The following ZNF618 variants were observed in gnomAD, a reference collection of about 807,000 sequenced individuals.
ZNF618 encodes the protein zinc finger protein 618.
ZNF618 carries 34 observed loss-of-function variants against 103.0 expected under a neutral mutation model. The ratio of observed to expected loss-of-function variants is 0.33; its 90% CI spans 0.25 to 0.44. The LOEUF (loss-of-function observed/expected upper bound fraction) is 0.44. Among genes scored for constraint, ZNF618 ranks in the 20% least tolerant of loss-of-function variants. The pLI is 1.00. For missense variants in ZNF618, 1,059 were observed against 1,295.4 expected (o/e 0.82, Z 2.80); for synonymous variants, 551 against 542.2 (o/e 1.02, Z -0.23).
chr9:113,998,621 T>C (rs1840865205), intron 4 of ZNF618, among the ~76,000 whole-genome samples: 1 of 152,200 alleles, frequency 6.6e-6, no homozygotes, highest in African/African-American at 2.4e-5. Flanking sequence ...GCACTTCCTA[T>C]GGGCCGCAAC....
chr9:113,965,199 G>A (rs1193951658), intron 1 of ZNF618, among the ~76,000 whole-genome samples: 1 of 152,014 alleles, frequency 6.6e-6, no homozygotes, highest in African/African-American at 2.4e-5. Flanking sequence ...TCGTTGGCCA[G>A]CCCCCATCCT....
chr9:113,955,492 A>C lies in ZNF618; in HGVS notation c.34-13625A>C, dbSNP rs16936489. Among the ~76,000 whole-genome samples, 1,162 of 152,082 alleles carry C rather than the reference A, an allele frequency of 7.6e-3. 15 individuals carry two copies. The highest frequency in any genetic ancestry group is 0.026 in the African/African-American group (1,094 of 41,448). ...AGCTGTGAGAGGAACTATTTTGCGTATACTATTTTGATTTTGAAAAAAATT... is the reference window on the plus strand; with the variant it reads ...AGCTGTGAGAGGAACTATTTTGCGTCTACTATTTTGATTTTGAAAAAAATT... On this transcript the variant is annotated intron_variant, in intron 1 of 14. Transcript: ENST00000374126.
chr9:114,020,414 A>G (rs900458852), intron 10 of ZNF618, among the ~76,000 whole-genome samples: 2 of 152,152 alleles, frequency 1.3e-5, no homozygotes, highest in Admixed American at 1.3e-4. Flanking sequence ...GAGAATCATC[A>G]TTACAATAAT....
At chr9:114,002,467 G>A (rs1359448614) in intron 5 of ZNF618, among the ~76,000 whole-genome samples, 157 bp from the exon 6 acceptor site, 1 of 152,184 alleles carries the variant, frequency 6.6e-6, no homozygotes, top group African/African-American at 2.4e-5. Flanking sequence ...TGTTCCTCCC[G>A]GAGCCTGGCA....
At chr9:114,028,429 G>A (rs903276530) in intron 10 of ZNF618, 2 of 382,802 alleles carry the variant, frequency 5.2e-6, no homozygotes, top group South Asian at 5.5e-5. Context: ...CTTGGGCCTG[G>A]GTTAACCAAT....
intron 1 of ZNF618, among the ~76,000 whole-genome samples, chr9:113,905,600 C>T (rs2131336592): frequency 6.6e-6 from 1 of 152,344 alleles, no homozygotes; most frequent in Admixed American, 6.5e-5. Context: ...AGTGAAATTT[C>T]TCCACTTTGG....
rs942010004 is a variant in ZNF618 at position 114,027,092 on chromosome 9, G to A, written c.845-1641G>A. ...TGCCTATTGCAACATTGAATGTGTC[G>A]GTTCATTCTGTGGGTTAAAAAAAAA... On this transcript the variant is annotated intron_variant, in intron 10 of 14. Transcript: ENST00000374126. Among the ~76,000 whole-genome samples, 3 of 152,034 alleles carry A rather than the reference G, an allele frequency of 2.0e-5. No individual in the cohort carries two copies. In the South Asian group the frequency reaches 6.2e-4, roughly 32 times the overall value.
chr9:114,002,094 G>A, intron 5 of ZNF618, 21 bp downstream of exon 5: 2 of 1,606,206 alleles, frequency 1.2e-6, no homozygotes, highest in Non-Finnish European at 1.7e-6. Flanking sequence ...TGTCCCTGGG[G>A]CAGAGCCCAG....
chr9:114,025,856 CACGCATTGAT>C (rs1208789104), intron 10 of ZNF618, among the ~76,000 whole-genome samples: 1 of 152,216 alleles, frequency 6.6e-6, no homozygotes, highest in Non-Finnish European at 1.5e-5. Flanking sequence ...CCTGGCCGCT[CACGCATTGAT>C]ACATGGATTC....
At chr9:114,015,159 T>C (rs566024023) in intron 9 of ZNF618, among the ~76,000 whole-genome samples, 1 of 151,606 alleles carries the variant, frequency 6.6e-6, no homozygotes, top group Admixed American at 6.6e-5. Flanking sequence ...GTTACAAAAA[T>C]TATTTAACTA....
chr9:113,883,505 C>T (rs953025147), intron 1 of ZNF618, among the ~76,000 whole-genome samples: 3 of 152,134 alleles, frequency 2.0e-5, no homozygotes, highest in African/African-American at 7.2e-5. Context: ...TGCAGAATAT[C>T]CAGGCACACG....
chr9:114,031,076 C>T lies in ZNF618; in HGVS notation c.1085-1569C>T, dbSNP rs921423241. On this transcript the variant is annotated intron_variant, in intron 11 of 14. Coordinates refer to ENST00000374126, the MANE Select transcript of ZNF618 (RefSeq NM_001318042.2). Reference sequence around the variant, plus strand: ...TTAGGAGTACATCCAACCCCAGTAACTTGACAATCTCACTCTTTCCTCTGT... The same window carrying T: ...TTAGGAGTACATCCAACCCCAGTAATTTGACAATCTCACTCTTTCCTCTGT... 2.0e-5 allele frequency among the ~76,000 whole-genome samples: 3 copies of T among 152,140 alleles called. No homozygotes were observed. In the South Asian group the frequency reaches 6.2e-4, roughly 32 times the overall value.
chr9:113,976,990 G>C (rs992133728), intron 2 of ZNF618, among the ~76,000 whole-genome samples: 4 of 152,160 alleles, frequency 2.6e-5, no homozygotes, highest in African/African-American at 9.7e-5. Flanking sequence ...GTAAGGACTG[G>C]ATCATGTAGT....
intron 1 of ZNF618, among the ~76,000 whole-genome samples, chr9:113,917,445 G>T (rs1437251772): frequency 2.0e-5 from 3 of 151,174 alleles, no homozygotes; most frequent in Admixed American, 1.3e-4. Flanking sequence ...GTAGAGGCGG[G>T]ATTTTGCCAT....
chr9:113,998,469 G>T, intron 4 of ZNF618, 115 bp downstream of exon 4: 1 of 895,290 alleles, frequency 1.1e-6, no homozygotes, highest in Non-Finnish European at 1.7e-6. Context: ...GCATCTCAGG[G>T]TCAAGAGGGG....
At chr9:114,023,734 AT>A (rs1453615959) in intron 10 of ZNF618, among the ~76,000 whole-genome samples, 2 of 152,126 alleles carry the variant, frequency 1.3e-5, no homozygotes, top group Non-Finnish European at 2.9e-5. Flanking sequence ...TGGATATAGA[AT>A]TCTAGGCTGA....
chr9:114,039,060 T>C (rs1275454262), intron 13 of ZNF618, among the ~76,000 whole-genome samples: 1 of 152,188 alleles, frequency 6.6e-6, no homozygotes, highest in Non-Finnish European at 1.5e-5. Context: ...ATGCAGTCAC[T>C]GTGGCAGGCT....
intron 1 of ZNF618, among the ~76,000 whole-genome samples, chr9:113,954,862 C>G (rs1208533732): frequency 6.6e-6 from 1 of 152,160 alleles, no homozygotes; most frequent in Non-Finnish European, 1.5e-5. Flanking sequence ...TTCTCTCCCT[C>G]TGGTGGTGTT....
At chr9:113,964,785 T>G (rs1837220874) in intron 1 of ZNF618, among the ~76,000 whole-genome samples, 1 of 149,876 alleles carries the variant, frequency 6.7e-6, no homozygotes, top group African/African-American at 2.5e-5. Flanking sequence ...TTGCTGCTAT[T>G]CCTTTAAGAT....
Sources: gnomAD v4.1 joint callset for allele counts (sites outside exome capture counted in the v4.1 genomes callset) on GRCh38, gnomAD v4.1.1 for gene constraint, MANE v1.5 for transcripts, NCBI Gene and HGNC (gene_info 2026-07-23, HGNC 2026-07-21) for gene names.